ITGA8: variants seen among roughly 807,000 people sequenced by gnomAD.
ITGA8 encodes the protein integrin subunit alpha 8.
Under a neutral mutation model 142.3 loss-of-function variants are expected in ITGA8, and 91 were observed. The observed-to-expected ratio is 0.64, with a 90% CI of 0.54 to 0.76. ITGA8 has a LOEUF of 0.76. Ranked by LOEUF, ITGA8 falls within the 30% of genes least tolerant of loss-of-function variation. The pLI, the probability that ITGA8 is intolerant of heterozygous loss-of-function variation, is 0.00. For missense variants in ITGA8, 1,406 were observed against 1,327.7 expected (o/e 1.06, Z -0.92); for synonymous variants, 505 against 485.2 (o/e 1.04, Z -0.54).
In ITGA8 at chr10:15,602,737, C is replaced by CAAA. The variant is rs10667953; in HGVS notation, c.2118+1468_2118+1470dup. On this transcript the variant is annotated intron_variant, in intron 20 of 29. Coordinates refer to ENST00000378076, the MANE Select transcript of ITGA8 (RefSeq NM_003638.3). The stretch of plus-strand genomic sequence containing the variant: ...TGGGAAACAGAGCAAGACCCTGTCT[C>CAAA]AAAAAAAAAAATACAAGAAAGAAGA... Among the ~76,000 whole-genome samples, 865 of 148,844 alleles carry CAAA rather than the reference C, an allele frequency of 5.8e-3. 10 individuals carry two copies. Among genetic ancestry groups the CAAA allele is most frequent in the East Asian group, 0.035 (178 of 5,070 alleles).
At position 15,659,018 on chromosome 10, in the gene ITGA8, T is replaced by C; in HGVS notation, c.929A>G (p.Gln310Arg). The change falls in exon 10 of 30, where the codon CAG becomes CGG. Residue 310 changes from glutamine to arginine, a missense_variant. Transcript: ENST00000378076. ...IINSTDMTFI[Q>R]NFTGEQMASY... ...CTCTACCTGTTCTCCCGTGAAATTC[T>C]GAATAAACGTCATATCCGTAGAGTT... 2 of 1,606,490 alleles carry C rather than the reference T, an allele frequency of 1.2e-6. No individual in the cohort carries two copies. Among genetic ancestry groups the C allele is most frequent in the Non-Finnish European group, 1.7e-6 (2 of 1,174,498 alleles).
intron 2 of ITGA8, among the ~76,000 whole-genome samples, chr10:15,712,161 A>G (rs1227916684): frequency 6.6e-6 from 1 of 152,228 alleles, no homozygotes; most frequent in African/African-American, 2.4e-5. Flanking sequence ...GTAAACATGT[A>G]TTTAAGCTGA....
chr10:15,661,601 G>A (rs1381050520), intron 8 of ITGA8, among the ~76,000 whole-genome samples: 9 of 152,274 alleles, frequency 5.9e-5, no homozygotes, highest in Non-Finnish European at 8.8e-5. Flanking sequence ...TTGAGTCTGC[G>A]TGTGATTTAT....
chr10:15,715,779 C>T (rs1314724081), intron 2 of ITGA8, among the ~76,000 whole-genome samples: 1 of 152,244 alleles, frequency 6.6e-6, no homozygotes, highest in East Asian at 1.9e-4. Flanking sequence ...ATGGAAATAG[C>T]TACACTGGCA....
chr10:15,655,531 T>G, intron 10 of ITGA8, 125 bp from the exon 11 acceptor site: 1 of 717,802 alleles, frequency 1.4e-6, no homozygotes, highest in Non-Finnish European at 2.4e-6. Context: ...CATAGATTCT[T>G]CGAAGTGGCC....
At chr10:15,543,792 G>C (rs574584658) in intron 27 of ITGA8, among the ~76,000 whole-genome samples, 1 of 152,178 alleles carries the variant, frequency 6.6e-6, no homozygotes, top group Admixed American at 6.5e-5. Context: ...ACCTTATTTG[G>C]AATAATGGTC....
chr10:15,565,273 T>C (rs748527975), intron 25 of ITGA8, among the ~76,000 whole-genome samples: 14 of 152,228 alleles, frequency 9.2e-5, no homozygotes, highest in Non-Finnish European at 1.6e-4. Flanking sequence ...ATGTCACTAG[T>C]ACGTCACAAT....
rs144668883 is a variant in ITGA8, at chr10:15,584,914, G to A, written c.2372+1670C>T. ...TCTACTAAAAATACAAAAATTAGCC[G>A]GGCGTGGTGCATGCCTGTAATCCCA... On this transcript the variant is annotated intron_variant, in intron 23 of 29. Transcript: ENST00000378076. Among the ~76,000 whole-genome samples the A allele has an allele frequency of 3.3e-3, 508 of 152,130 alleles. 3 individuals carry two copies. The highest frequency in any genetic ancestry group is 0.011 in the African/African-American group (474 of 41,546).
intron 27 of ITGA8, among the ~76,000 whole-genome samples, chr10:15,543,171 A>T (rs548372480): frequency 6.6e-6 from 1 of 152,300 alleles, no homozygotes; most frequent in African/African-American, 2.4e-5. Context: ...GAGCCCCATG[A>T]AAGTTAAGTG....
Position 15,522,495 on chromosome 10 carries a change from T to C in ITGA8, c.2983-3083A>G, listed in dbSNP as rs188090045. Among the ~76,000 whole-genome samples, 456 of 152,308 alleles carry C rather than the reference T, an allele frequency of 3.0e-3. 2 individuals carry two copies. Among genetic ancestry groups the C allele is most frequent in the African/African-American group, 0.011 (443 of 41,578 alleles). On this transcript the variant is annotated intron_variant, in intron 28 of 29. Transcript: ENST00000378076. ...GAACTGAAGGGGACAGTAGTGATCA[T>C]CTACTCACAGGCCAGTTACAATGAC...
In ITGA8 at chr10:15,588,651, G is replaced by A. The variant is rs572942987; in HGVS notation, c.2292-1987C>T. Among the ~76,000 whole-genome samples, 11 of 152,252 alleles carry A rather than the reference G, an allele frequency of 7.2e-5. 1 individual carries two copies. The South Asian group carries it at 1.0e-3, about 14-fold the overall frequency. Reference sequence around the variant, plus strand: ...TCTAGTTCACTACTGCTTGGCAGCCGTGGAAATTAGAATTACGAAAAAACA... The same window carrying A: ...TCTAGTTCACTACTGCTTGGCAGCCATGGAAATTAGAATTACGAAAAAACA... On this transcript the variant is annotated intron_variant, in intron 22 of 29. Coordinates refer to ENST00000378076, the MANE Select transcript of ITGA8 (RefSeq NM_003638.3).
chr10:15,586,965 G>A (rs889078043), intron 22 of ITGA8, among the ~76,000 whole-genome samples: 3 of 149,666 alleles, frequency 2.0e-5, no homozygotes, highest in Non-Finnish European at 3.0e-5. Context: ...CCTCTGTTGC[G>A]AGGCTGGAGT....
At chr10:15,542,111 C>A (rs1175095725) in intron 27 of ITGA8, among the ~76,000 whole-genome samples, 1 of 152,132 alleles carries the variant, frequency 6.6e-6, no homozygotes, top group African/African-American at 2.4e-5. Flanking sequence ...GGGCCTAATT[C>A]TTACTTTACG....
At chr10:15,637,467 T>A (rs1454163823) in intron 13 of ITGA8, among the ~76,000 whole-genome samples, 1 of 151,984 alleles carries the variant, frequency 6.6e-6, no homozygotes, top group African/African-American at 2.4e-5. Context: ...ACTCAGGTAA[T>A]CCGATTTTCC....
chr10:15,632,911 T>C (rs1833709412), intron 13 of ITGA8, among the ~76,000 whole-genome samples: 1 of 152,166 alleles, frequency 6.6e-6, no homozygotes, highest in South Asian at 2.1e-4. Context: ...CCTCATTCTT[T>C]AGGCTTTTAA....
chr10:15,574,833 C>T (rs1409200509), intron 24 of ITGA8, among the ~76,000 whole-genome samples: 2 of 151,632 alleles, frequency 1.3e-5, no homozygotes, highest in Non-Finnish European at 2.9e-5. Flanking sequence ...ATAAACATAT[C>T]TGAAATATAG....
intron 29 of ITGA8, among the ~76,000 whole-genome samples, chr10:15,517,694 C>G (rs757563130): frequency 1.9e-4 from 29 of 152,200 alleles, no homozygotes; most frequent in Non-Finnish European, 2.2e-4. Context: ...TTAGGAGGTT[C>G]GAGCAGAGTG....
chr10:15,532,053 G>GGGGGGT (rs1564338878), intron 27 of ITGA8, among the ~76,000 whole-genome samples: 1 of 148,470 alleles, frequency 6.7e-6, no homozygotes, highest in Non-Finnish European at 1.5e-5. Context: ...GGGTGGGGGG[G>GGGGGGT]CCTGTCCTCT....
At chr10:15,543,266 C>G (rs1431161463) in intron 27 of ITGA8, among the ~76,000 whole-genome samples, 1 of 152,200 alleles carries the variant, frequency 6.6e-6, no homozygotes, top group African/African-American at 2.4e-5. Flanking sequence ...TAGACTCTGT[C>G]TAATGTTAGT....
Sources: allele counts gnomAD v4.1 joint callset (sites outside exome capture counted in the v4.1 genomes callset), GRCh38; gene constraint gnomAD v4.1.1; transcripts MANE v1.5; gene names NCBI Gene and HGNC (gene_info 2026-07-23, HGNC 2026-07-21).